Variants in CREB5 observed in about 807,000 individuals in gnomAD.
CREB5 encodes the protein cAMP responsive element binding protein 5, also known as cyclic AMP-responsive element-binding protein 5.
CREB5 carries 19 observed loss-of-function variants against 57.1 expected under a neutral mutation model. The ratio of observed to expected loss-of-function variants is 0.33; its 90% CI spans 0.23 to 0.49. CREB5 has a LOEUF of 0.49. Among genes scored for constraint, CREB5 ranks in the 20% least tolerant of loss-of-function variants. CREB5 has a pLI of 0.99. For missense variants in CREB5, 579 were observed against 671.6 expected, an observed-to-expected ratio of 0.86 and a Z score of 1.52; for synonymous variants, 238 against 238.3, an observed-to-expected ratio of 1.00 and a Z score of 0.01.
intron 5 of CREB5, among the ~76,000 whole-genome samples, chr7:28,586,496 T>G (rs1285666864): frequency 6.6e-6 from 1 of 152,224 alleles, no homozygotes; most frequent in Non-Finnish European, 1.5e-5. Flanking sequence ...CCTCTCCAGC[T>G]GAAGTCTGAC....
chr7:28,807,257 G>A (rs1193865581), intron 8 of CREB5, among the ~76,000 whole-genome samples: 4 of 152,186 alleles, frequency 2.6e-5, no homozygotes, highest in Admixed American at 1.3e-4. Context: ...GACCTGCCTG[G>A]CCAAGATGGT....
intron 4 of CREB5, among the ~76,000 whole-genome samples, chr7:28,543,890 A>G (rs1024266919): frequency 2.0e-5 from 3 of 150,700 alleles, no homozygotes; most frequent in African/African-American, 4.9e-5. Flanking sequence ...GTGATTCACC[A>G]TATTAACCCA....
chr7:28,569,323 C>T (rs528018831), intron 4 of CREB5, among the ~76,000 whole-genome samples: 10 of 152,038 alleles, frequency 6.6e-5, no homozygotes, highest in Non-Finnish European at 1.2e-4. Flanking sequence ...AGCACTACAC[C>T]GCTTTCTCTT....
At chr7:28,513,463 G>A (rs1458958016) in intron 4 of CREB5, 1 of 146,782 alleles carries the variant, frequency 6.8e-6, no homozygotes, top group East Asian at 2.0e-4. Context: ...TTTTTTATCA[G>A]CATGACTGAA....
intron 8 of CREB5, 45 bp from the exon 9 acceptor site, chr7:28,809,141 AC>A: frequency 6.5e-7 from 1 of 1,531,688 alleles, no homozygotes. Context: ...TTACCTAACC[AC>A]GTCCTTCCCT....
rs117403119 is a variant in CREB5, at chr7:28,584,583, C to T, written c.464+14046C>T. Among the ~76,000 whole-genome samples the T allele has an allele frequency of 3.3e-3, 502 of 152,276 alleles. 27 individuals are homozygous for T. The East Asian group carries it at 0.08, about 24-fold the overall frequency. ...AGGAGCTGGGCATGGGGCAACTTTC[C>T]TTCAGAGCCCTGAGAAAGAACCCCT... On this transcript the variant is annotated intron_variant, in intron 5 of 10. Transcript: ENST00000357727.
intron 5 of CREB5, among the ~76,000 whole-genome samples, chr7:28,644,297 C>T (rs906244975): frequency 7.9e-5 from 12 of 152,112 alleles, no homozygotes; most frequent in African/African-American, 2.9e-4. Flanking sequence ...TGCCTGATGG[C>T]TTATCATCTT....
At chr7:28,601,866 G>T (rs1274795844) in intron 5 of CREB5, among the ~76,000 whole-genome samples, 1 of 152,154 alleles carries the variant, frequency 6.6e-6, no homozygotes, top group African/African-American at 2.4e-5. Context: ...CATTACTATA[G>T]TTAGGTTACT....
At chr7:28,656,339 A>G (rs573732283) in intron 5 of CREB5, among the ~76,000 whole-genome samples, 1 of 152,350 alleles carries the variant, frequency 6.6e-6, no homozygotes, top group South Asian at 2.1e-4. Flanking sequence ...TAAACATACC[A>G]TCTTGGACAT....
intron 1 of CREB5, among the ~76,000 whole-genome samples, chr7:28,424,325 G>A (rs1309930989): frequency 6.6e-6 from 1 of 152,176 alleles, no homozygotes; most frequent in Non-Finnish European, 1.5e-5. Flanking sequence ...CAGCAAGAAG[G>A]CAGCACCCAG....
At chr7:28,405,343 G>C (rs1252909611) in intron 1 of CREB5, among the ~76,000 whole-genome samples, 1 of 152,160 alleles carries the variant, frequency 6.6e-6, no homozygotes. Context: ...GAGTGATGTG[G>C]GCAGAAGGGA....
rs5883165 is a variant in CREB5 at position 28,717,086 on chromosome 7, C to CTTTTTTTTTTTTTT, written c.465-1661_465-1648dup. Among the ~76,000 whole-genome samples, 85 of 110,244 alleles carry CTTTTTTTTTTTTTT rather than the reference C, an allele frequency of 7.7e-4. 3 individuals carry two copies. The highest frequency in any genetic ancestry group is 1.2e-3 in the Non-Finnish European group (67 of 57,864). 72.3% of individuals were successfully genotyped at this position (110,244 alleles called of 152,430 possible). On this transcript the variant is annotated intron_variant, in intron 5 of 10. Coordinates refer to ENST00000357727, the MANE Select transcript of CREB5 (RefSeq NM_182898.4). ...AATCTCTGCGGAAAGGCTTTATATT[C>CTTTTTTTTTTTTTT]TTTTTTTTTTTTTTTTTTTGAGATG...
rs571784874 is a variant in CREB5, at chr7:28,432,221, A to C, written c.3+19304A>C. On this transcript the variant is annotated intron_variant, in intron 1 of 10. Coordinates refer to ENST00000357727, the MANE Select transcript of CREB5 (RefSeq NM_182898.4). ...ATGGCAAGGACAATGTGGTAGATGC[A>C]TCTGGAACAAGGTCCTTGGATCATA... 5.9e-5 allele frequency among the ~76,000 whole-genome samples: 9 copies of C among 152,286 alleles called. 2 individuals carry two copies. The South Asian group carries it at 1.2e-3, about 21-fold the overall frequency.
intron 1 of CREB5, among the ~76,000 whole-genome samples, chr7:28,423,893 A>G (rs1788383689): frequency 6.6e-6 from 1 of 152,206 alleles, no homozygotes; most frequent in African/African-American, 2.4e-5. Context: ...GGTCTAGGGC[A>G]TGGCCAGGAG....
At chr7:28,512,398 C>T (rs920703781) in intron 4 of CREB5, among the ~76,000 whole-genome samples, 4 of 152,022 alleles carry the variant, frequency 2.6e-5, no homozygotes, top group Non-Finnish European at 4.4e-5. Context: ...TGGTCAGAGA[C>T]GACGCAGGAG....
chr7:28,760,982 C>T (rs1435692116), intron 7 of CREB5, among the ~76,000 whole-genome samples: 3 of 152,242 alleles, frequency 2.0e-5, no homozygotes, highest in East Asian at 3.9e-4. Context: ...TTGCACAAAG[C>T]GTAGCACATA....
At chr7:28,451,473 T>G (rs1789805265) in intron 1 of CREB5, among the ~76,000 whole-genome samples, 1 of 151,644 alleles carries the variant, frequency 6.6e-6, no homozygotes, top group Non-Finnish European at 1.5e-5. Context: ...TGTGTGTGTG[T>G]GTGTGTGTGT....
At chr7:28,498,571 T>C (rs771183344) in intron 3 of CREB5, among the ~76,000 whole-genome samples, 6 of 152,176 alleles carry the variant, frequency 3.9e-5, no homozygotes, top group Non-Finnish European at 7.4e-5. Context: ...TTAGGACAGG[T>C]AGAGTCACTC....
At chr7:28,608,524 T>C (rs944535688) in intron 5 of CREB5, among the ~76,000 whole-genome samples, 13 of 152,138 alleles carry the variant, frequency 8.5e-5, no homozygotes, top group Admixed American at 7.2e-4. Flanking sequence ...TGAAACTTCA[T>C]ATTATTCAGT....
Sources: gnomAD v4.1 joint callset for allele counts (sites outside exome capture counted in the v4.1 genomes callset) on GRCh38, gnomAD v4.1.1 for gene constraint, MANE v1.5 for transcripts, NCBI Gene and HGNC (gene_info 2026-07-23, HGNC 2026-07-21) for gene names.